FCRL2: variants seen among roughly 807,000 people sequenced by gnomAD.
FCRL2 encodes the protein Fc receptor like 2.
A neutral mutation model predicts 59.8 loss-of-function variants in FCRL2; 48 were observed. The observed-to-expected ratio is 0.80, with a 90% CI of 0.64 to 1.02. The LOEUF (loss-of-function observed/expected upper bound fraction) is 1.02. FCRL2 is among the 50% of genes least tolerant of loss of function. FCRL2 has a pLI of 0.00. For synonymous variants in FCRL2, 251 were observed against 229.5 expected, an observed-to-expected ratio of 1.09 and a Z score of -0.85; for missense variants, 658 against 597.3, an observed-to-expected ratio of 1.10 and a Z score of -1.06.
intron 7 of FCRL2, among the ~76,000 whole-genome samples, chr1:157,751,945 G>C (rs11264809): frequency 6.6e-6 from 1 of 151,948 alleles, no homozygotes; most frequent in Non-Finnish European, 1.5e-5. Context: ...ATCAATGCCA[G>C]CCATGGGGGT....
rs201145193 is a variant in FCRL2 at position 157,767,220 on chromosome 1, C to T, written c.1162+11G>A. The T allele has an allele frequency of 1.9e-5, 31 of 1,605,930 alleles. No homozygotes were observed. The African/African-American group carries it at 3.1e-4, about 16-fold the overall frequency. On this transcript the variant is annotated intron_variant, in intron 6 of 11. Transcript: ENST00000361516. ...GACATCAAACTCTGTATCCAGGTAA[C>T]ACCCACCCACCTGAGATGGAGACTG...
intron 7 of FCRL2, among the ~76,000 whole-genome samples, chr1:157,759,766 G>A (rs1031682079): frequency 6.6e-6 from 1 of 152,146 alleles, no homozygotes; most frequent in Non-Finnish European, 1.5e-5. Context: ...ACACCAGTCC[G>A]AATGGCTATT....
At chr1:157,762,805 T>C (rs1308249621) in intron 7 of FCRL2, among the ~76,000 whole-genome samples, 1 of 152,106 alleles carries the variant, frequency 6.6e-6, no homozygotes, top group Non-Finnish European at 1.5e-5. Flanking sequence ...AGTGCTAAAA[T>C]AAATAAAGTG....
intron 3 of FCRL2, 115 bp from the exon 4 acceptor site, chr1:157,770,265 A>C: frequency 6.9e-7 from 1 of 1,444,246 alleles, no homozygotes; most frequent in Non-Finnish European, 9.4e-7. Context: ...GACACCTCTC[A>C]CCCATCATGG....
intron 5 of FCRL2, 86 bp from the exon 6 acceptor site, chr1:157,767,595 C>T (rs1167628941): frequency 6.2e-7 from 1 of 1,614,200 alleles, no homozygotes; most frequent in South Asian, 1.1e-5. Flanking sequence ...CAGCAAAGGG[C>T]CTGGCCCCAT....
chr1:157,757,408 G>GCAAA (rs1553202598), intron 7 of FCRL2, among the ~76,000 whole-genome samples: 2 of 152,050 alleles, frequency 1.3e-5, no homozygotes, highest in Non-Finnish European at 2.9e-5. Flanking sequence ...GAAGGGTACA[G>GCAAA]CAAACAACCA....
intron 2 of FCRL2, among the ~76,000 whole-genome samples, chr1:157,775,004 T>G (rs914771535): frequency 3.3e-5 from 5 of 152,218 alleles, no homozygotes; most frequent in Non-Finnish European, 7.3e-5. Context: ...AGCACAGATT[T>G]AACTCAGAAA....
intron 4 of FCRL2, 82 bp downstream of exon 4, chr1:157,769,784 C>G: frequency 6.7e-7 from 1 of 1,497,534 alleles, no homozygotes; most frequent in Non-Finnish European, 9.0e-7. Flanking sequence ...AGGAGTTGAA[C>G]AAAGAAACAG....
Position 157,751,858 on chromosome 1 carries a change from A to G in FCRL2, c.1280-2181T>C, listed in dbSNP as rs1443275149. 3.3e-5 allele frequency among the ~76,000 whole-genome samples: 5 copies of G among 152,236 alleles called. No homozygotes were observed. In the South Asian group the frequency reaches 6.2e-4, roughly 19 times the overall value. ...AGTTGGGGGGCTCTGGAGAATCCAG[A>G]AACACACCCCCAAAATAGGAGCTGA... is the stretch of plus-strand genomic sequence containing the variant. On this transcript the variant is annotated intron_variant, in intron 7 of 11. Coordinates refer to ENST00000361516, the MANE Select transcript of FCRL2 (RefSeq NM_030764.4).
intron 3 of FCRL2, 128 bp downstream of exon 3, chr1:157,770,281 T>C (rs900627649): frequency 2.1e-6 from 3 of 1,448,860 alleles, no homozygotes; most frequent in East Asian, 2.3e-5. Context: ...CATGGCTCCT[T>C]TGATGATCAA....
At chr1:157,774,667 CCAGA>C (rs1171790754) in intron 2 of FCRL2, among the ~76,000 whole-genome samples, 16 of 152,282 alleles carry the variant, frequency 1.1e-4, no homozygotes, top group African/African-American at 3.8e-4. Context: ...TAATTTCCAT[CCAGA>C]CAGACAGTGG....
chr1:157,746,411 T>C lies in FCRL2; in HGVS notation c.*325A>G, dbSNP rs1002060124. ...ACACCACTATCAAGTCCTGTTCTCA[T>C]CACTTCACAGTAGATGAAGGTGAGA... On this transcript the variant is annotated 3_prime_UTR_variant, in exon 12 of 12. Transcript: ENST00000361516. 2.6e-5 allele frequency: 10 copies of C among 386,794 alleles called. No individual in the cohort carries two copies. The highest frequency in any genetic ancestry group is 4.3e-5 in the Non-Finnish European group (9 of 211,682). The allele number at this position is 386,794 out of a possible 1,614,324, so 24.0% of individuals were successfully genotyped here. A position where few individuals can be genotyped will look rare whatever the true frequency, so the allele number is the denominator to read the frequency against.
At chr1:157,764,207 T>TAATAAATA (rs575062103) in intron 7 of FCRL2, among the ~76,000 whole-genome samples, 59 of 147,298 alleles carry the variant, frequency 4.0e-4, no homozygotes, top group African/African-American at 1.4e-3. Flanking sequence ...TGCCTCAAAA[T>TAATAAATA]AATAAATAAA....
Position 157,748,939 on chromosome 1 carries a change from A to G in FCRL2, c.1329T>C (p.Pro443=), listed in dbSNP as rs1362207942. The G allele has an allele frequency of 6.2e-7, 1 of 1,613,928 alleles. No homozygotes were observed. Among genetic ancestry groups the G allele is most frequent in the South Asian group, 1.1e-5 (1 of 91,052 alleles). Residue 443 remains proline, a synonymous_variant, in exon 9 of 12, where the codon CCT becomes CCC. Transcript: ENST00000361516. ...NEPRGASRPN[P]QEFTYSSPTP... is the part of the protein sequence containing the mutation. ...TTGGGCTTGAATAGGTGAACTCTTGAGGATTTGGCCTGGAAGCCCCTCTGT... is the reference window on the plus strand; with the variant it reads ...TTGGGCTTGAATAGGTGAACTCTTGGGGATTTGGCCTGGAAGCCCCTCTGT...
chr1:157,748,906 G>A lies in FCRL2; in HGVS notation c.1362C>T (p.Asp454=). 1 of 1,613,950 alleles carries A rather than the reference G, an allele frequency of 6.2e-7. No homozygotes were observed. The highest frequency in any genetic ancestry group is 8.5e-7 in the Non-Finnish European group (1 of 1,179,936). The change falls in exon 9 of 12, where the codon GAC becomes GAT. Residue 454 remains aspartate (D), a synonymous_variant. Transcript: ENST00000361516. The part of the protein sequence containing the change: ...QEFTYSSPTP[D]MEELQPVYVN... ...CATACACTGGCTGCAGCTCCTCCAT[G>A]TCTGGGGTTGGGCTTGAATAGGTGA...
chr1:157,749,241 C>T (rs1648000623), intron 8 of FCRL2, among the ~76,000 whole-genome samples: 1 of 151,934 alleles, frequency 6.6e-6, no homozygotes, highest in Admixed American at 6.6e-5. Flanking sequence ...TTTCTCATTA[C>T]TTTATCTCTC....
intron 7 of FCRL2, among the ~76,000 whole-genome samples, chr1:157,763,921 T>C (rs977052729): frequency 6.6e-6 from 1 of 151,150 alleles, no homozygotes; most frequent in African/African-American, 2.4e-5. Context: ...TCCCAGCTAC[T>C]CGGGAGGCTG....
intron 7 of FCRL2, among the ~76,000 whole-genome samples, chr1:157,758,725 T>C (rs1250858942): frequency 2.5e-5 from 3 of 118,086 alleles, no homozygotes; most frequent in African/African-American, 9.9e-5. Context: ...GCTAACACTA[T>C]ACAACTTCGA....
rs41302115 is a variant in FCRL2 at position 157,747,007 on chromosome 1, C to T, written c.1460-108G>A. On this transcript the variant is annotated intron_variant, in intron 10 of 11. Transcript: ENST00000361516. Reference sequence around the variant, plus strand: ...ACTACTATGCTTAGTATGTGGAATCCCATTTTCTCCTGTTCTGTAAAATCC... The same window carrying T: ...ACTACTATGCTTAGTATGTGGAATCTCATTTTCTCCTGTTCTGTAAAATCC... 4.2e-3 allele frequency: 4,781 copies of T among 1,141,614 alleles called. 33 individuals are homozygous for T. The highest frequency in any genetic ancestry group is 0.023 in the African/African-American group (1,502 of 64,474). The allele number at this position is 1,141,614 out of a possible 1,614,324, so 70.7% of individuals were successfully genotyped here.
Sources: allele counts gnomAD v4.1 joint callset (sites outside exome capture counted in the v4.1 genomes callset), GRCh38; gene constraint gnomAD v4.1.1; transcripts MANE v1.5; gene names NCBI Gene and HGNC (gene_info 2026-07-23, HGNC 2026-07-21).